SNRNP27: variants seen among roughly 807,000 people sequenced by gnomAD.
SNRNP27 encodes small nuclear ribonucleoprotein U4/U6.U5 subunit 27.
In SNRNP27, 22 loss-of-function variants were observed where a neutral mutation model predicts 25.1. The observed-to-expected ratio is 0.88, with a 90% confidence interval of 0.63 to 1.25. The LOEUF is 1.25. Ranked by LOEUF, SNRNP27 falls within the 50% of genes most tolerant of loss-of-function variation. The pLI is 0.00. For synonymous variants in SNRNP27, 66 were observed against 64.9 expected, an observed-to-expected ratio of 1.02 and a Z score of -0.08; for missense variants, 150 against 202.3, an observed-to-expected ratio of 0.74 and a Z score of 1.57.
chr2:69,898,608 T>C (rs1487412382), intron 4 of SNRNP27, among the ~76,000 whole-genome samples: 4 of 152,234 alleles, frequency 2.6e-5, no homozygotes, highest in African/African-American at 9.6e-5. Context: ...ATTGAGTTGC[T>C]AATGGAATGG....
intron 2 of SNRNP27, among the ~76,000 whole-genome samples, chr2:69,895,817 C>T (rs1257604469): frequency 6.6e-6 from 1 of 152,210 alleles, no homozygotes; most frequent in East Asian, 1.9e-4. Flanking sequence ...ACCTCGGCCT[C>T]CCAAAGTGCT....
chr2:69,904,903 A>G lies in SNRNP27; in HGVS notation c.*595A>G, dbSNP rs1392669822. 1 of 151,940 alleles carries G rather than the reference A, an allele frequency of 6.6e-6. No homozygotes were observed. The highest frequency in any genetic ancestry group is 2.4e-5 in the African/African-American group (1 of 41,340). The allele number at this position is 151,940 out of a possible 1,614,324, so 9.4% of individuals were successfully genotyped here. A position where few individuals can be genotyped will look rare whatever the true frequency, so the allele number is the denominator to read the frequency against. On this transcript the variant is annotated 3_prime_UTR_variant, in exon 6 of 6. Transcript: ENST00000244227. ...ATGCAAAAAAAAGATCTCAGAGAAAACAAAAGTAAAAGAAAAGCAGAAAAT... is the reference window on the plus strand; with the variant it reads ...ATGCAAAAAAAAGATCTCAGAGAAAGCAAAAGTAAAAGAAAAGCAGAAAAT...
At chr2:69,900,917 C>G (rs889872482) in intron 4 of SNRNP27, among the ~76,000 whole-genome samples, 2 of 152,122 alleles carry the variant, frequency 1.3e-5, no homozygotes, top group African/African-American at 2.4e-5. Context: ...TGGCTCATGC[C>G]TGTAATCCCA....
Position 69,904,338 on chromosome 2 carries a change from T to TC in SNRNP27, c.*34dup. ...TGAAGTGTTGAAGGATGATTTTTTT[T>TC]CCCCTCATCTTGGTCAGAGAGTGGA... On this transcript the variant is annotated 3_prime_UTR_variant, in exon 6 of 6. Transcript: ENST00000244227. 6.4e-7 allele frequency: 1 copy of TC among 1,571,392 alleles called. No homozygotes were observed. The highest frequency in any genetic ancestry group is 8.7e-7 in the Non-Finnish European group (1 of 1,143,216).
intron 4 of SNRNP27, among the ~76,000 whole-genome samples, chr2:69,900,904 C>T (rs1171193801): frequency 2.0e-5 from 3 of 152,138 alleles, no homozygotes; most frequent in Non-Finnish European, 4.4e-5. Flanking sequence ...GGGCTGGGTG[C>T]AGTGGCTCAT....
chr2:69,895,482 A>G (rs942517376), intron 2 of SNRNP27, among the ~76,000 whole-genome samples: 8 of 152,158 alleles, frequency 5.3e-5, no homozygotes, highest in Non-Finnish European at 2.9e-5. Context: ...AAAAGAAATA[A>G]GTATTTTATA....
chr2:69,894,091 T>G (rs1056923803), intron 1 of SNRNP27, 73 bp downstream of exon 1: 3 of 1,408,240 alleles, frequency 2.1e-6, no homozygotes, highest in South Asian at 1.2e-5. Context: ...TTTTGTTTTG[T>G]TTTTGGTAGC....
At chr2:69,902,491 T>TCTG (rs747909600) in intron 4 of SNRNP27, among the ~76,000 whole-genome samples, 7 of 151,938 alleles carry the variant, frequency 4.6e-5, no homozygotes, top group South Asian at 4.2e-4. Flanking sequence ...TTCTGTTTCC[T>TCTG]CTGCTGCTGC....
chr2:69,894,791 C>T (rs1163102037), intron 1 of SNRNP27, among the ~76,000 whole-genome samples: 1 of 152,186 alleles, frequency 6.6e-6, no homozygotes, highest in African/African-American at 2.4e-5. Context: ...AAGCGATTCT[C>T]ATGCCTCAGC....
At position 69,895,135 on chromosome 2, in the gene SNRNP27, A is replaced by AGGCGC. The variant is rs1357876647; in HGVS notation, c.77_81dup (p.Arg28GlyfsTer42). On this transcript the variant is annotated frameshift_variant, in exon 2 of 6. Coordinates refer to ENST00000244227, the MANE Select transcript of SNRNP27 (RefSeq NM_006857.3). LOFTEE classifies it high-confidence loss of function. ...GTCCACATCCCGGGAGAGAGAACGC[A>AGGCGC]GGCGCCGAGAAAGGTCCAGGTCTCG... is the stretch of plus-strand genomic sequence containing the variant. 4 of 1,613,760 alleles carry AGGCGC rather than the reference A, an allele frequency of 2.5e-6. No homozygotes were observed. The highest frequency in any genetic ancestry group is 3.4e-6 in the Non-Finnish European group (4 of 1,179,972).
At chr2:69,902,938 C>CTTTTTTTTTTTTTT (rs761833954) in intron 4 of SNRNP27, among the ~76,000 whole-genome samples, 6 of 92,410 alleles carry the variant, frequency 6.5e-5, no homozygotes, top group Non-Finnish European at 9.7e-5. Flanking sequence ...TCTTCTTCTT[C>CTTTTTTTTTTTTTT]TTTTTTTTTT....
intron 4 of SNRNP27, among the ~76,000 whole-genome samples, chr2:69,898,673 A>G (rs923838407): frequency 1.3e-5 from 2 of 151,982 alleles, no homozygotes; most frequent in Non-Finnish European, 2.9e-5. Flanking sequence ...TGTAGGGCTC[A>G]CATGTTTTAA....
chr2:69,901,056 C>T (rs879445364), intron 4 of SNRNP27, among the ~76,000 whole-genome samples: 10 of 152,192 alleles, frequency 6.6e-5, no homozygotes, highest in Non-Finnish European at 1.3e-4. Flanking sequence ...TGCCTGTAGT[C>T]CCAGCTATTC....
chr2:69,894,128 C>G lies in SNRNP27; in HGVS notation c.34+110C>G, dbSNP rs911037056. 5.8e-6 allele frequency: 6 copies of G among 1,031,590 alleles called. 1 individual carries two copies. In the Admixed American group the frequency reaches 1.4e-4, roughly 24 times the overall value. 63.9% of individuals were successfully genotyped at this position (1,031,590 alleles called of 1,614,324 possible). A position where few individuals can be genotyped will look rare whatever the true frequency, so the allele number is the denominator to read the frequency against. On this transcript the variant is annotated intron_variant, in intron 1 of 5. Coordinates refer to ENST00000244227, the MANE Select transcript of SNRNP27 (RefSeq NM_006857.3). ...GCGTAGCAGAGAGGCGGGCCCTTTT[C>G]CCAGGCGGAGAGCGAGGGGTGGATA...
At position 69,897,963 on chromosome 2, in the gene SNRNP27, G is replaced by A. The variant is rs1297914605; in HGVS notation, c.348+507G>A. Among the ~76,000 whole-genome samples, 2 of 37,344 alleles carry A rather than the reference G, an allele frequency of 5.4e-5. 1 individual carries two copies. Among genetic ancestry groups the A allele is most frequent in the Non-Finnish European group, 9.0e-5 (2 of 22,340 alleles). 24.5% of individuals were successfully genotyped at this position (37,344 alleles called of 152,430 possible). Reference sequence around the variant, plus strand: ...ATAAGGGAGTGGCATGGTTATATGTGTGTTTTGGAATAATGACTCTGGGGG... The same window carrying A: ...ATAAGGGAGTGGCATGGTTATATGTATGTTTTGGAATAATGACTCTGGGGG... On this transcript the variant is annotated intron_variant, in intron 4 of 5. Coordinates refer to ENST00000244227, the MANE Select transcript of SNRNP27 (RefSeq NM_006857.3).
chr2:69,902,783 T>A (rs769623503), intron 4 of SNRNP27, among the ~76,000 whole-genome samples: 59 of 151,962 alleles, frequency 3.9e-4, no homozygotes, highest in Middle Eastern at 3.4e-3. Flanking sequence ...TCTGCTTCTT[T>A]TCTTCTTCTG....
chr2:69,903,524 T>C (rs766592960), intron 5 of SNRNP27: 1 of 341,282 alleles, frequency 2.9e-6, no homozygotes, highest in Non-Finnish European at 5.4e-6. Context: ...TGGGCTTTGA[T>C]TTCATTATAA....
intron 5 of SNRNP27, among the ~76,000 whole-genome samples, chr2:69,903,983 A>AT (rs903936936): frequency 1.7e-3 from 252 of 150,284 alleles, no homozygotes; most frequent in African/African-American, 5.4e-3. Context: ...TTTTCAATTG[A>AT]TTTTTTTTTT....
chr2:69,895,142 G>A lies in SNRNP27; in HGVS notation c.83G>A (p.Arg28Gln). 1 of 1,613,978 alleles carries A rather than the reference G, an allele frequency of 6.2e-7. No individual in the cohort carries two copies. The highest frequency in any genetic ancestry group is 1.1e-5 in the South Asian group (1 of 91,072). ...TCCCGGGAGAGAGAACGCAGGCGCC[G>A]AGAAAGGTCCAGGTCTCGGGAGAGA... ...STSRERERRR[R>Q]ERSRSRERDR... Residue 28 changes from arginine to glutamine, a missense_variant, in exon 2 of 6, where the codon CGA becomes CAA. By Grantham distance (43) the Arg-to-Gln change is conservative. Transcript: ENST00000244227.
Sources: allele counts gnomAD v4.1 joint callset (sites outside exome capture counted in the v4.1 genomes callset), GRCh38; gene constraint gnomAD v4.1.1; transcripts MANE v1.5; gene names NCBI Gene and HGNC (gene_info 2026-07-23, HGNC 2026-07-21).